SORCS1: variants seen among roughly 807,000 people sequenced by gnomAD.
The protein encoded by SORCS1 is VPS10 domain-containing receptor SorCS1.
Under a neutral mutation model 146.1 loss-of-function variants are expected in SORCS1, and 60 were observed. The observed-to-expected ratio is 0.41, with a 90% CI of 0.33 to 0.51. SORCS1 has a LOEUF of 0.51. SORCS1 is among the 20% of genes least tolerant of loss of function. SORCS1 has a pLI of 0.21. For synonymous variants in SORCS1, 637 were observed against 584.0 expected, an observed-to-expected ratio of 1.09 and a Z score of -1.31; for missense variants, 1,352 against 1,487.6, an observed-to-expected ratio of 0.91 and a Z score of 1.50.
At position 107,118,983 on chromosome 10, in the gene SORCS1, T is replaced by C. The variant is rs150922780; in HGVS notation, c.558+44986A>G. Among the ~76,000 whole-genome samples the C allele has an allele frequency of 2.3e-3, 345 of 152,294 alleles. 4 individuals are homozygous for C. In the South Asian group the frequency reaches 0.025, roughly 11 times the overall value. On this transcript the variant is annotated intron_variant, in intron 1 of 25. Transcript: ENST00000263054. ...CACTTGGGTCCCTGAGTGATAACTA[T>C]GCAGATGAGAACTCCCACATGACTC...
At chr10:106,710,203 C>T (rs1429882813) in intron 6 of SORCS1, among the ~76,000 whole-genome samples, 2 of 152,142 alleles carry the variant, frequency 1.3e-5, no homozygotes, top group Non-Finnish European at 2.9e-5. Flanking sequence ...AATCCCAGCA[C>T]TTTGGGAGGC....
At chr10:106,660,828 T>C (rs7095966) in intron 17 of SORCS1, among the ~76,000 whole-genome samples, 24,274 of 151,998 alleles carry the variant, frequency 0.16, 2,714 homozygotes, top group East Asian at 0.31. Flanking sequence ...TGTACCTTCT[T>C]CCATGAGGAA....
At chr10:107,116,041 A>G (rs1018854250) in intron 1 of SORCS1, among the ~76,000 whole-genome samples, 1 of 152,136 alleles carries the variant, frequency 6.6e-6, no homozygotes, top group African/African-American at 2.4e-5. Context: ...ATAATCAGAA[A>G]AATGAAAAAT....
chr10:106,668,187 C>T (rs1851318378), intron 16 of SORCS1, among the ~76,000 whole-genome samples: 1 of 152,174 alleles, frequency 6.6e-6, no homozygotes, highest in African/African-American at 2.4e-5. Context: ...CAGAGTTTAA[C>T]ACGGCCACAT....
intron 3 of SORCS1, among the ~76,000 whole-genome samples, chr10:106,821,298 TAG>T (rs1408329310): frequency 6.6e-6 from 1 of 152,180 alleles, no homozygotes; most frequent in African/African-American, 2.4e-5. Context: ...AACCAAAAGA[TAG>T]AGTCTATTTT....
intron 6 of SORCS1, among the ~76,000 whole-genome samples, chr10:106,709,991 C>T (rs1223922216): frequency 6.6e-6 from 1 of 152,154 alleles, no homozygotes; most frequent in Admixed American, 6.5e-5. Flanking sequence ...CTTGGGATTT[C>T]ATGGTCAATT....
At chr10:106,668,600 T>C (rs942051301) in intron 16 of SORCS1, among the ~76,000 whole-genome samples, 14 of 152,118 alleles carry the variant, frequency 9.2e-5, no homozygotes, top group Non-Finnish European at 1.5e-5. Flanking sequence ...CAAGCATTAG[T>C]ATGAACTGGC....
chr10:106,981,063 G>T (rs963490734), intron 1 of SORCS1, among the ~76,000 whole-genome samples: 1 of 151,884 alleles, frequency 6.6e-6, no homozygotes, highest in Non-Finnish European at 1.5e-5. Context: ...CCAATAAAAA[G>T]ATCACAATTT....
chr10:107,058,231 TG>T (rs1960837661), intron 1 of SORCS1, among the ~76,000 whole-genome samples: 1 of 151,590 alleles, frequency 6.6e-6, no homozygotes, highest in African/African-American at 2.4e-5. Context: ...TTAGTAGAGA[TG>T]GGGTTTCACC....
At chr10:106,865,246 C>T (rs1404664681) in intron 2 of SORCS1, among the ~76,000 whole-genome samples, 1 of 152,156 alleles carries the variant, frequency 6.6e-6, no homozygotes, top group Non-Finnish European at 1.5e-5. Context: ...CTACCTCCTA[C>T]AGGTGCATTT....
At chr10:106,634,486 A>G (rs753592391) in intron 18 of SORCS1, among the ~76,000 whole-genome samples, 1 of 152,242 alleles carries the variant, frequency 6.6e-6, no homozygotes, top group Non-Finnish European at 1.5e-5. Flanking sequence ...TCACGCAGCT[A>G]GTTAGACACC....
chr10:106,850,325 T>C (rs1949506634), intron 2 of SORCS1, among the ~76,000 whole-genome samples: 1 of 152,106 alleles, frequency 6.6e-6, no homozygotes, highest in South Asian at 2.1e-4. Context: ...AAGCGCAATA[T>C]TCGGGTGGGA....
At chr10:107,121,582 G>A (rs561937296) in intron 1 of SORCS1, among the ~76,000 whole-genome samples, 1 of 152,034 alleles carries the variant, frequency 6.6e-6, no homozygotes, top group South Asian at 2.1e-4. Context: ...ATGGCTAACT[G>A]TGATTTAACA....
At chr10:106,835,575 T>C (rs1249775535) in intron 2 of SORCS1, among the ~76,000 whole-genome samples, 2 of 152,238 alleles carry the variant, frequency 1.3e-5, no homozygotes, top group African/African-American at 2.4e-5. Context: ...TTGAAGGATA[T>C]GTGCTAGTAG....
intron 1 of SORCS1, among the ~76,000 whole-genome samples, chr10:107,103,596 T>C (rs1362192233): frequency 2.6e-5 from 4 of 152,234 alleles, no homozygotes; most frequent in Non-Finnish European, 5.9e-5. Flanking sequence ...CTTGGTTCAA[T>C]ATGCTCAGTG....
At position 106,906,311 on chromosome 10, in the gene SORCS1, G is replaced by A. The variant is rs565098673; in HGVS notation, c.626+50202C>T. On this transcript the variant is annotated intron_variant, in intron 2 of 25. Coordinates refer to ENST00000263054, the MANE Select transcript of SORCS1 (RefSeq NM_052918.5). The stretch of plus-strand genomic sequence containing the variant: ...TGTATTTTTCGAAGAGACAGGATTT[G>A]CCATGTTGGCCAGGCTGGTCTTGAA... Among the ~76,000 whole-genome samples, 5 of 152,216 alleles carry A rather than the reference G, an allele frequency of 3.3e-5. No individual in the cohort carries two copies. The South Asian group carries it at 1.0e-3, about 32-fold the overall frequency.
intron 5 of SORCS1, among the ~76,000 whole-genome samples, chr10:106,734,779 A>G (rs1856832219): frequency 6.6e-6 from 1 of 152,194 alleles, no homozygotes; most frequent in Non-Finnish European, 1.5e-5. Context: ...GGCTCAGGAA[A>G]TACAGTTAAT....
chr10:106,761,788 G>GAGCACTCACCT, intron 4 of SORCS1, 127 bp from the exon 5 acceptor site: 2 of 761,306 alleles, frequency 2.6e-6, no homozygotes, highest in Non-Finnish European at 4.4e-6. Context: ...CATATACAAG[G>GAGCACTCACCT]TGAGTGCTCC....
chr10:107,009,020 G>A (rs576265255), intron 1 of SORCS1, among the ~76,000 whole-genome samples: 28 of 152,196 alleles, frequency 1.8e-4, no homozygotes, highest in African/African-American at 6.7e-4. Context: ...CAAAACAAAT[G>A]GTTATTATAA....
Sources: gnomAD v4.1 joint callset for allele counts (sites outside exome capture counted in the v4.1 genomes callset) on GRCh38, gnomAD v4.1.1 for gene constraint, MANE v1.5 for transcripts, NCBI Gene and HGNC (gene_info 2026-07-23, HGNC 2026-07-21) for gene names.